The following GAD1 variants were observed in gnomAD, a reference collection of about 807,000 sequenced individuals.
The protein encoded by GAD1 is 67 kDa glutamic acid decarboxylase.
A neutral mutation model predicts 75.2 loss-of-function variants in GAD1; 35 were observed. That is an observed-to-expected ratio of 0.47 (90% CI 0.36 to 0.62). The LOEUF (loss-of-function observed/expected upper bound fraction) is 0.62, where lower values mean the gene tolerates loss of function less well. GAD1 is among the 20% of genes least tolerant of loss of function. The probability of loss-of-function intolerance (pLI) is 0.00; values close to 1 mark genes in which losing one functional copy is unlikely to be tolerated. For missense variants in GAD1, 490 were observed against 758.5 expected (o/e 0.65, Z 4.16); for synonymous variants, 257 against 271.9 (o/e 0.95, Z 0.54).
chr2:170,817,286 G>C (rs2105746654), intron 1 of GAD1: 2 of 120,264 alleles, frequency 1.7e-5, no homozygotes, highest in Non-Finnish European at 3.4e-5. Context: ...TTCACGCCCC[G>C]GGGAAGCACG....
chr2:170,839,672 G>A (rs975866219), intron 6 of GAD1, among the ~76,000 whole-genome samples: 2 of 150,090 alleles, frequency 1.3e-5, no homozygotes, highest in Admixed American at 1.3e-4. Flanking sequence ...ACATAGCTGT[G>A]CAGTATATTC....
chr2:170,828,060 TTCTGCTGTCCTCC>T (rs1702066964), intron 3 of GAD1, among the ~76,000 whole-genome samples: 1 of 29,776 alleles, frequency 3.4e-5, no homozygotes, highest in African/African-American at 2.1e-4. Context: ...CCCCTCCTCC[TTCTGCTGTCCTCC>T]CTCTGCTGTC....
intron 3 of GAD1, chr2:170,829,042 C>T: frequency 3.2e-6 from 1 of 307,744 alleles, no homozygotes; most frequent in Non-Finnish European, 6.3e-6. Flanking sequence ...CTCAGCTGTC[C>T]TCACCTCTCC....
In GAD1 at chr2:170,857,043, T is replaced by C. The variant is rs766120758; in HGVS notation, c.1439T>C (p.Ile480Thr). 1 of 1,613,868 alleles carries C rather than the reference T, an allele frequency of 6.2e-7. No homozygotes were observed. The highest frequency in any genetic ancestry group is 8.5e-7 in the Non-Finnish European group (1 of 1,179,926). Residue 480 changes from isoleucine to threonine, a missense_variant, in exon 15 of 17, where the codon ATC becomes ACC. By Grantham distance (89) the Ile-to-Thr change is moderately conservative. Around this residue, in one of 3 missense-constraint regions of GAD1, gnomAD observed 324 missense variants for 523.9 expected, o/e 0.62. Transcript: ENST00000358196. ...GGCACAGTGGGATTTGAAAACCAGA[T>C]CAACAAATGCCTGGAACTGGCTGAA... Reference protein sequence around the residue: ...AKGTVGFENQINKCLELAEYL... With the variant: ...AKGTVGFENQTNKCLELAEYL...
At chr2:170,854,545 G>A (rs1226282822) in intron 14 of GAD1, among the ~76,000 whole-genome samples, 1 of 151,794 alleles carries the variant, frequency 6.6e-6, no homozygotes, top group Non-Finnish European at 1.5e-5. Flanking sequence ...GGACTACAGG[G>A]GCCCGCCACT....
At chr2:170,850,586 G>T (rs963104637) in intron 12 of GAD1, among the ~76,000 whole-genome samples, 1 of 152,186 alleles carries the variant, frequency 6.6e-6, no homozygotes, top group African/African-American at 2.4e-5. Flanking sequence ...CCCGCCCAGG[G>T]CTTCTCCCAC....
rs556090933 is a variant in GAD1, at chr2:170,844,425, T to C, written c.751+268T>C. ...CTTTTTTCTTTTTTTTTTTTTTTTT[T>C]TGAGACAGGGTCTCACTCTGTCATC... On this transcript the variant is annotated intron_variant, in intron 7 of 16. Coordinates refer to ENST00000358196, the MANE Select transcript of GAD1 (RefSeq NM_000817.3). 7.5e-3 allele frequency among the ~76,000 whole-genome samples: 1,117 copies of C among 149,544 alleles called. 13 individuals are homozygous for C. Among genetic ancestry groups the C allele is most frequent in the African/African-American group, 0.026 (1,049 of 40,702 alleles).
chr2:170,853,126 A>G lies in GAD1; in HGVS notation c.1263+334A>G, dbSNP rs1702779505. 2.5e-6 allele frequency: 1 copy of G among 398,706 alleles called. No individual in the cohort carries two copies. The highest frequency in any genetic ancestry group is 2.0e-5 in the African/African-American group (1 of 49,036). The allele number at this position is 398,706 out of a possible 1,614,324, so 24.7% of individuals were successfully genotyped here. On this transcript the variant is annotated intron_variant, in intron 13 of 16. Transcript: ENST00000358196. This position sits in a 1 kb window ranked among gnomAD's most constrained non-coding sequence, Gnocchi z 4.1. ...CATCCAATCAGTTTTGTCCTCAGTG[A>G]GGACAAAAGCACTCACTGGAGCATA...
At chr2:170,815,322 A>G (rs373864287), upstream of GAD1, among the ~76,000 whole-genome samples, 38 of 152,280 alleles carry the variant, frequency 2.5e-4, no homozygotes, top group African/African-American at 9.1e-4. Context: ...GTCCTTAAAA[A>G]GTGCCGGGGA....
upstream of GAD1, among the ~76,000 whole-genome samples, chr2:170,813,642 T>C (rs1352390775): frequency 2.0e-5 from 3 of 152,004 alleles, no homozygotes; most frequent in Non-Finnish European, 4.4e-5. Context: ...GTTTGGGCGC[T>C]CCTTCAACGC....
At chr2:170,848,436 G>A (rs193043415) in intron 11 of GAD1, among the ~76,000 whole-genome samples, 324 of 150,656 alleles carry the variant, frequency 2.2e-3, no homozygotes, top group Non-Finnish European at 3.5e-3. Flanking sequence ...GATGGAGGTT[G>A]CAGTGAGCTG....
Position 170,859,771 on chromosome 2 carries a change from C to T in GAD1, c.1674C>T (p.Pro558=). The T allele has an allele frequency of 6.2e-7, 1 of 1,614,164 alleles. No homozygotes were observed. Among genetic ancestry groups the T allele is most frequent in the Non-Finnish European group, 8.5e-7 (1 of 1,180,032 alleles). The change falls in exon 17 of 17, where the codon CCC becomes CCT. Residue 558 remains proline (P), a synonymous_variant. Coordinates refer to ENST00000358196, the MANE Select transcript of GAD1 (RefSeq NM_000817.3). ...ESGTTMVGYQ[P]QGDKANFFRM... ...GTACGACCATGGTTGGCTACCAGCCCCAAGGGGACAAGGCCAACTTCTTCC... is the reference window on the plus strand; with the variant it reads ...GTACGACCATGGTTGGCTACCAGCCTCAAGGGGACAAGGCCAACTTCTTCC...
At chr2:170,832,668 A>G (rs754461726) in intron 5 of GAD1, among the ~76,000 whole-genome samples, 239 of 38,036 alleles carry the variant, frequency 6.3e-3, no homozygotes, top group Non-Finnish European at 0.012. Context: ...GCGCGCGCAC[A>G]CACACACACA....
At chr2:170,851,399 G>A (rs542186156) in intron 12 of GAD1, among the ~76,000 whole-genome samples, 2 of 152,280 alleles carry the variant, frequency 1.3e-5, no homozygotes, top group Admixed American at 6.5e-5. Context: ...TAAGCACTTA[G>A]TTAACTTTCC....
At chr2:170,847,599 A>G in intron 10 of GAD1, 77 bp from the exon 11 acceptor site, 5 of 975,146 alleles carry the variant, frequency 5.1e-6, no homozygotes, top group Non-Finnish European at 8.4e-6. Flanking sequence ...AATGTTACAC[A>G]ATTCTTCTTC....
chr2:170,829,755 T>A, intron 4 of GAD1, 122 bp downstream of exon 4: 1 of 1,111,970 alleles, frequency 9.0e-7, no homozygotes, highest in Admixed American at 2.1e-5. Context: ...TGAACCCACA[T>A]GAAACTGCTT....
chr2:170,847,738 G>T lies in GAD1; in HGVS notation c.1065G>T (p.Pro355=). 6.2e-7 allele frequency: 1 copy of T among 1,614,122 alleles called. No homozygotes were observed. Among genetic ancestry groups the T allele is most frequent in the East Asian group, 2.2e-5 (1 of 44,894 alleles). ...AGTTVYGAFD[P]IQEIADICEK... is the part of the protein sequence containing the mutation. ...CGACTGTTTATGGAGCTTTTGATCC[G>T]ATACAAGAGATTGCAGATATATGTG... is the stretch of plus-strand genomic sequence containing the variant. The change falls in exon 11 of 17, where the codon CCG becomes CCT. Residue 355 remains proline (P), a synonymous_variant. Transcript: ENST00000358196.
At chr2:170,850,016 T>G (rs1249727146) in intron 12 of GAD1, among the ~76,000 whole-genome samples, 2 of 152,220 alleles carry the variant, frequency 1.3e-5, no homozygotes, top group African/African-American at 2.4e-5. Context: ...CATAACAAAG[T>G]CACAATGATT....
chr2:170,829,681 T>A, intron 4 of GAD1, 48 bp downstream of exon 4: 2 of 1,592,854 alleles, frequency 1.3e-6, no homozygotes, highest in South Asian at 2.2e-5. Context: ...AGATTTCTTA[T>A]TTGAGTTTCT....
Sources: allele counts gnomAD v4.1 joint callset (sites outside exome capture counted in the v4.1 genomes callset), GRCh38; gene constraint gnomAD v4.1.1; regional missense constraint gnomAD v4.1.1; non-coding constraint Gnocchi (gnomAD v3.1); transcripts MANE v1.5; gene names NCBI Gene and HGNC (gene_info 2026-07-23, HGNC 2026-07-21).